CORIN: variants seen among roughly 807,000 people sequenced by gnomAD.
The protein encoded by CORIN is corin, serine peptidase.
CORIN carries 117 observed loss-of-function variants against 125.3 expected under a neutral mutation model. The observed-to-expected ratio is 0.93, with a 90% CI of 0.80 to 1.09. The LOEUF is 1.09. CORIN is among the 50% of genes least tolerant of loss of function. The pLI, the probability that CORIN is intolerant of heterozygous loss-of-function variation, is 0.00. For synonymous variants in CORIN, 450 were observed against 466.4 expected (o/e 0.96, Z 0.45); for missense variants, 1,253 against 1,306.7 (o/e 0.96, Z 0.63).
chr4:47,672,824 CAA>C (rs1038433767), intron 10 of CORIN, among the ~76,000 whole-genome samples: 1 of 151,924 alleles, frequency 6.6e-6, no homozygotes, highest in Non-Finnish European at 1.5e-5. Context: ...TGCTTCCAGG[CAA>C]AGAGTTATTA....
At chr4:47,692,724 T>A (rs1245209211) in intron 6 of CORIN, among the ~76,000 whole-genome samples, 1 of 152,132 alleles carries the variant, frequency 6.6e-6, no homozygotes, top group Non-Finnish European at 1.5e-5. Context: ...TTCTCCCAAT[T>A]TAAACCACTT....
intron 2 of CORIN, among the ~76,000 whole-genome samples, chr4:47,800,548 CA>C (rs1731495148): frequency 2.0e-5 from 3 of 151,990 alleles, no homozygotes; most frequent in African/African-American, 7.3e-5. Flanking sequence ...AAACTCTGGA[CA>C]AAACACAAAA....
chr4:47,648,246 G>C (rs1723576941), intron 13 of CORIN, among the ~76,000 whole-genome samples: 1 of 152,176 alleles, frequency 6.6e-6, no homozygotes, highest in Admixed American at 6.5e-5. Flanking sequence ...GCACCTGTAG[G>C]TTATGAAACC....
At chr4:47,693,720 C>T (rs61761801) in intron 5 of CORIN, among the ~76,000 whole-genome samples, 22,432 of 152,186 alleles carry the variant, frequency 0.15, 2,265 homozygotes, top group East Asian at 0.47. Context: ...AACACAGTGA[C>T]ATTTTTATAT....
rs183410251 is a variant in CORIN, at chr4:47,710,603, T to C, written c.800-17520A>G. ...TACCAGTGCTGCCCCCCTATAGAGCTCCTCCTTCCCCGCTTGTCCTTGGCC... is the reference window on the plus strand; with the variant it reads ...TACCAGTGCTGCCCCCCTATAGAGCCCCTCCTTCCCCGCTTGTCCTTGGCC... On this transcript the variant is annotated intron_variant, in intron 5 of 21. Transcript: ENST00000273857. Among the ~76,000 whole-genome samples, 36 of 152,280 alleles carry C rather than the reference T, an allele frequency of 2.4e-4. No homozygotes were observed. In the East Asian group the frequency reaches 6.8e-3, roughly 29 times the overall value.
At chr4:47,745,367 G>A (rs573561898) in intron 4 of CORIN, among the ~76,000 whole-genome samples, 1 of 152,310 alleles carries the variant, frequency 6.6e-6, no homozygotes, top group South Asian at 2.1e-4. Context: ...ACCCTGGCTG[G>A]TCAATTGCTA....
intron 13 of CORIN, among the ~76,000 whole-genome samples, 196 bp from the exon 14 acceptor site, chr4:47,645,390 G>A (rs1723422804): frequency 6.8e-6 from 1 of 147,872 alleles, no homozygotes; most frequent in African/African-American, 2.5e-5. Context: ...GGCGGAGGTT[G>A]CAGTGAGCCA....
At chr4:47,608,973 T>C (rs1721764127) in intron 19 of CORIN, among the ~76,000 whole-genome samples, 1 of 151,742 alleles carries the variant, frequency 6.6e-6, no homozygotes, top group South Asian at 2.1e-4. Context: ...TCACCCTCTC[T>C]GACTTTGCTT....
chr4:47,814,972 C>G (rs573047002), intron 1 of CORIN, among the ~76,000 whole-genome samples: 1 of 152,242 alleles, frequency 6.6e-6, no homozygotes, highest in Admixed American at 6.5e-5. Context: ...AAATATGTAT[C>G]CTATCAAGGA....
intron 7 of CORIN, chr4:47,681,755 A>G (rs796216333): frequency 4.6e-5 from 7 of 152,330 alleles, no homozygotes; most frequent in African/African-American, 1.7e-4. Context: ...AAAACTACAA[A>G]TAGAACTTCC....
rs971305826 is a variant in CORIN at position 47,643,401 on chromosome 4, G to C, written c.1958-145C>G. The C allele has an allele frequency of 1.1e-4, 75 of 673,628 alleles. No individual in the cohort carries two copies. The African/African-American group carries it at 1.2e-3, about 11-fold the overall frequency. The allele number at this position is 673,628 out of a possible 1,614,324, so 41.7% of individuals were successfully genotyped here. On this transcript the variant is annotated intron_variant, in intron 14 of 21. Coordinates refer to ENST00000273857, the MANE Select transcript of CORIN (RefSeq NM_006587.4). ...AGGCTTCCAAACGGGCATAAAAACAGAATAACATAATTTGTAAAATATCAT... is the reference window on the plus strand; with the variant it reads ...AGGCTTCCAAACGGGCATAAAAACACAATAACATAATTTGTAAAATATCAT...
chr4:47,808,735 C>T (rs1380572903), intron 1 of CORIN, among the ~76,000 whole-genome samples: 1 of 152,182 alleles, frequency 6.6e-6, no homozygotes, highest in African/African-American at 2.4e-5. Flanking sequence ...AAGTGTACAA[C>T]ACTTACCTAC....
At position 47,623,575 on chromosome 4, in the gene CORIN, C is replaced by A. The variant is rs757886805; in HGVS notation, c.2536G>T (p.Glu846Ter). Reference sequence around the variant, plus strand: ...AAAAGGAAAGGTGCAGCTTACCCCTCGAAGCAGTGGGCAACTGTCAGAACC... The same window carrying A: ...AAAAGGAAAGGTGCAGCTTACCCCTAGAAGCAGTGGGCAACTGTCAGAACC... ...KWVLTVAHCF[E>*]GRENAAVWKV... The change falls in exon 19 of 22, where the codon GAG (glutamate) becomes TAG (stop). Residue 846 changes from glutamate to a stop codon, truncating the protein, a stop_gained. Transcript: ENST00000273857. LOFTEE classifies it high-confidence loss of function. 4 of 1,613,854 alleles carry A rather than the reference C, an allele frequency of 2.5e-6. No individual in the cohort carries two copies. The highest frequency in any genetic ancestry group is 1.1e-5 in the South Asian group (1 of 91,066).
At chr4:47,800,884 T>G (rs73137910) in intron 2 of CORIN, among the ~76,000 whole-genome samples, 2,679 of 152,206 alleles carry the variant, frequency 0.018, 85 homozygotes, top group African/African-American at 0.059. Flanking sequence ...CTGTTTGTCT[T>G]CCCCTTAAAC....
In CORIN at chr4:47,744,454, G is replaced by C. The variant is rs561516913; in HGVS notation, c.747C>G (p.Ser249Arg). Residue 249 changes from serine (S) to arginine (R), a missense_variant, in exon 5 of 22, where the codon AGC (serine) becomes AGG (arginine). Coordinates refer to ENST00000273857, the MANE Select transcript of CORIN (RefSeq NM_006587.4). ...AGAAGCAAATTCTGCTGACATTGCT[G>C]CTTTCAGTTTGGTTTCTAAACTGGG... ...RCSQFRNQTESSNVSRICFSP... is the reference protein window; with the variant it reads ...RCSQFRNQTERSNVSRICFSP... The C allele has an allele frequency of 5.0e-6, 8 of 1,614,076 alleles. No individual in the cohort carries two copies. The highest frequency in any genetic ancestry group is 1.6e-4 in the Middle Eastern group (1 of 6,062).
intron 4 of CORIN, among the ~76,000 whole-genome samples, chr4:47,749,806 G>A (rs555480676): frequency 6.6e-6 from 1 of 152,150 alleles, no homozygotes; most frequent in Non-Finnish European, 1.5e-5. Context: ...TTGTTAGGCT[G>A]AGCTGTTCAG....
At chr4:47,608,243 C>T (rs1313052074) in intron 19 of CORIN, among the ~76,000 whole-genome samples, 1 of 152,132 alleles carries the variant, frequency 6.6e-6, no homozygotes, top group East Asian at 1.9e-4. Flanking sequence ...ATCGCTTGAA[C>T]CTGGGAGCTG....
chr4:47,696,276 G>A (rs1024779079), intron 5 of CORIN, among the ~76,000 whole-genome samples: 2 of 152,132 alleles, frequency 1.3e-5, no homozygotes, highest in Non-Finnish European at 2.9e-5. Flanking sequence ...GAGATTCCAT[G>A]AGAAGTCATG....
In CORIN at chr4:47,612,046, C is replaced by T. The variant is rs184499265; in HGVS notation, c.2541-8378G>A. Among the ~76,000 whole-genome samples the T allele has an allele frequency of 9.9e-4, 151 of 152,156 alleles. 1 individual carries two copies. The South Asian group carries it at 0.017, about 17-fold the overall frequency. On this transcript the variant is annotated intron_variant, in intron 19 of 21. Transcript: ENST00000273857. ...TTATTCTTTTGTTGTGTTTCTGCCA[C>T]GTTTTGGTATCAGGATGATGCTAGC...
Sources: gnomAD v4.1 joint callset for allele counts (sites outside exome capture counted in the v4.1 genomes callset) on GRCh38, gnomAD v4.1.1 for gene constraint, MANE v1.5 for transcripts, NCBI Gene and HGNC (gene_info 2026-07-23, HGNC 2026-07-21) for gene names.